Variants in EPB41L2 observed in about 807,000 individuals in gnomAD.
EPB41L2 encodes the protein erythrocyte membrane protein band 4.1 like 2, also known as band 4.1-like protein 2.
EPB41L2 carries 43 observed loss-of-function variants against 113.0 expected under a neutral mutation model. That is an observed-to-expected ratio of 0.38 (90% confidence interval 0.30 to 0.49). The LOEUF (loss-of-function observed/expected upper bound fraction) is 0.49, where lower values mean the gene tolerates loss of function less well. EPB41L2 is among the 20% of genes least tolerant of loss of function. The pLI, the probability that EPB41L2 is intolerant of heterozygous loss-of-function variation, is 0.95. For missense variants in EPB41L2, 1,147 were observed against 1,223.4 expected (o/e 0.94, Z 0.93); for synonymous variants, 442 against 436.7 (o/e 1.01, Z -0.15).
At chr6:130,917,043 A>C (rs1362290488) in intron 4 of EPB41L2, among the ~76,000 whole-genome samples, 1 of 151,604 alleles carries the variant, frequency 6.6e-6, no homozygotes, top group East Asian at 2.0e-4. Flanking sequence ...GTTCCTTTGA[A>C]CTCCTCCCCA....
At chr6:130,936,133 C>T (rs958674819) in intron 3 of EPB41L2, among the ~76,000 whole-genome samples, 4 of 152,150 alleles carry the variant, frequency 2.6e-5, no homozygotes, top group Non-Finnish European at 5.9e-5. Context: ...TCCATAAATG[C>T]CTTCCTTTGG....
chr6:130,910,073 C>T (rs1248439186), intron 4 of EPB41L2, among the ~76,000 whole-genome samples: 5 of 152,138 alleles, frequency 3.3e-5, no homozygotes, highest in African/African-American at 1.2e-4. Flanking sequence ...ATAGCCAAGA[C>T]AATCCTAAAC....
intron 1 of EPB41L2, among the ~76,000 whole-genome samples, chr6:131,018,160 C>T (rs896942190): frequency 9.9e-5 from 15 of 152,252 alleles, no homozygotes; most frequent in African/African-American, 3.6e-4. Context: ...TCAAGGATGT[C>T]ATCAAGAAAC....
At chr6:130,914,224 C>G (rs1420831083) in intron 4 of EPB41L2, among the ~76,000 whole-genome samples, 1 of 152,190 alleles carries the variant, frequency 6.6e-6, no homozygotes, top group Non-Finnish European at 1.5e-5. Flanking sequence ...GTACCTTCCC[C>G]AGCAGATCAT....
chr6:130,896,209 C>T (rs1236302237), intron 8 of EPB41L2, among the ~76,000 whole-genome samples: 1 of 152,158 alleles, frequency 6.6e-6, no homozygotes, highest in Non-Finnish European at 1.5e-5. Flanking sequence ...CTAATTGATG[C>T]CAGTTGCTTT....
chr6:130,916,211 A>G (rs555491785), intron 4 of EPB41L2, among the ~76,000 whole-genome samples: 2 of 152,338 alleles, frequency 1.3e-5, no homozygotes, highest in East Asian at 3.9e-4. Flanking sequence ...TTTTAAACTA[A>G]GCAGCACAGT....
At chr6:130,843,315 T>C (rs1220868209) in intron 19 of EPB41L2, among the ~76,000 whole-genome samples, 1 of 152,188 alleles carries the variant, frequency 6.6e-6, no homozygotes, top group East Asian at 1.9e-4. Context: ...TATCTGACAA[T>C]TTTTTACAGG....
intron 15 of EPB41L2, 25 bp downstream of exon 15, chr6:130,869,538 G>T (rs1562342519): frequency 1.2e-6 from 2 of 1,601,940 alleles, no homozygotes; most frequent in Non-Finnish European, 8.5e-7. Flanking sequence ...CTAGAGTTTG[G>T]CTCCCACCTG....
At chr6:130,907,213 G>A (rs1271231555) in intron 5 of EPB41L2, among the ~76,000 whole-genome samples, 1 of 152,222 alleles carries the variant, frequency 6.6e-6, no homozygotes, top group African/African-American at 2.4e-5. Context: ...TGGTTTCAGA[G>A]AAAGTGTAAG....
rs1336328718 is a variant in EPB41L2, at chr6:130,867,956, ACACACACACACACACACTCTCTCT to A, written c.2608-399_2608-376del. On this transcript the variant is annotated intron_variant, in intron 15 of 19. Transcript: ENST00000337057. ...TATAGTGACACACACACACACACAC[ACACACACACACACACACTCTCTCT>A]CTCTCTCTCTCTCTCTCTCCTCCTC... The A allele has an allele frequency of 4.0e-4, 64 of 160,640 alleles. 1 individual carries two copies. Among genetic ancestry groups the A allele is most frequent in the Non-Finnish European group, 7.1e-4 (59 of 82,552 alleles). The allele number at this position is 160,640 out of a possible 1,614,324, so 10.0% of individuals were successfully genotyped here. A position where few individuals can be genotyped will look rare whatever the true frequency, so the allele number is the denominator to read the frequency against.
At chr6:130,880,775 G>T in intron 12 of EPB41L2, 1 of 361,740 alleles carries the variant, frequency 2.8e-6, no homozygotes, top group Non-Finnish European at 4.9e-6. Context: ...TTGTACTCAG[G>T]AACAAGAATA....
chr6:130,896,190 T>C (rs1264076013), intron 8 of EPB41L2, among the ~76,000 whole-genome samples: 3 of 152,260 alleles, frequency 2.0e-5, no homozygotes, highest in East Asian at 1.9e-4. Flanking sequence ...AATAAAAGTA[T>C]AGTATTAGCT....
intron 19 of EPB41L2, among the ~76,000 whole-genome samples, chr6:130,850,828 T>C (rs959127562): frequency 6.6e-6 from 1 of 152,212 alleles, no homozygotes; most frequent in East Asian, 1.9e-4. Flanking sequence ...ATTAGAGCAG[T>C]GGTACCCAGC....
intron 11 of EPB41L2, among the ~76,000 whole-genome samples, chr6:130,887,577 T>C (rs1791466599): frequency 6.6e-6 from 1 of 152,242 alleles, no homozygotes; most frequent in African/African-American, 2.4e-5. Flanking sequence ...TCCTAAGCTC[T>C]GACTGCACTT....
At chr6:130,980,569 G>GCT (rs1409289736) in intron 1 of EPB41L2, among the ~76,000 whole-genome samples, 1 of 151,976 alleles carries the variant, frequency 6.6e-6, no homozygotes, top group African/African-American at 2.4e-5. Context: ...TTGGGGGAGG[G>GCT]GCAGGGGTGG....
intron 1 of EPB41L2, among the ~76,000 whole-genome samples, chr6:131,048,357 T>G (rs762389711): frequency 6.6e-6 from 1 of 152,186 alleles, no homozygotes; most frequent in Non-Finnish European, 1.5e-5. Context: ...TTTTTAGCAC[T>G]GGTTAAAGCA....
intron 1 of EPB41L2, among the ~76,000 whole-genome samples, chr6:130,994,894 C>G (rs1474168028): frequency 6.6e-6 from 1 of 152,158 alleles, no homozygotes; most frequent in East Asian, 1.9e-4. Flanking sequence ...AGAATGCAAC[C>G]ATTTGTCTCT....
chr6:130,904,587 T>C lies in EPB41L2; in HGVS notation c.854-47A>G, dbSNP rs375953358. The C allele has an allele frequency of 3.2e-6, 4 of 1,258,114 alleles. No individual in the cohort carries two copies. The African/African-American group carries it at 5.9e-5, about 19-fold the overall frequency. 77.9% of individuals were successfully genotyped at this position (1,258,114 alleles called of 1,614,324 possible). ...GTTATGCACCCAATTAACAGAAGAA[T>C]GACTATTGTGATAAAATTTAAAGGT... On this transcript the variant is annotated intron_variant, in intron 5 of 19. Coordinates refer to ENST00000337057, the MANE Select transcript of EPB41L2 (RefSeq NM_001431.4).
At chr6:130,953,465 A>G (rs1238387958) in intron 3 of EPB41L2, among the ~76,000 whole-genome samples, 1 of 152,104 alleles carries the variant, frequency 6.6e-6, no homozygotes, top group Non-Finnish European at 1.5e-5. Context: ...GGAATTGAAC[A>G]ATGAGAACAC....
Sources: gnomAD v4.1 joint callset for allele counts (sites outside exome capture counted in the v4.1 genomes callset) on GRCh38, gnomAD v4.1.1 for gene constraint, MANE v1.5 for transcripts, NCBI Gene and HGNC (gene_info 2026-07-23, HGNC 2026-07-21) for gene names.